The following RARB variants were observed in gnomAD, a reference collection of about 807,000 sequenced individuals.
RARB encodes the protein HBV-activated protein.
In RARB, 17 loss-of-function variants were observed where a neutral mutation model predicts 51.9. The observed-to-expected ratio is 0.33, with a 90% confidence interval of 0.22 to 0.49. The LOEUF (loss-of-function observed/expected upper bound fraction) is 0.49. Among genes scored for constraint, RARB ranks in the 20% least tolerant of loss-of-function variants. RARB has a pLI of 0.99. For synonymous variants in RARB, 215 were observed against 195.4 expected (o/e 1.10, Z -0.84); for missense variants, 369 against 550.8 (o/e 0.67, Z 3.30).
chr3:25,203,799 C>T (rs912039282), intron 5 of RARB, among the ~76,000 whole-genome samples: 1 of 152,196 alleles, frequency 6.6e-6, no homozygotes, highest in Admixed American at 6.5e-5. Flanking sequence ...GTCAAGAAAT[C>T]TACTATTAGT....
At chr3:25,134,824 G>A (rs903728084) in intron 4 of RARB, among the ~76,000 whole-genome samples, 15 of 106,942 alleles carry the variant, frequency 1.4e-4, no homozygotes, top group Non-Finnish European at 2.5e-4. Context: ...GACCTTAACC[G>A]TCACTGCCTC....
intron 5 of RARB, among the ~76,000 whole-genome samples, chr3:25,364,474 C>T (rs1197937439): frequency 1.3e-5 from 2 of 152,214 alleles, no homozygotes; most frequent in Non-Finnish European, 2.9e-5. Flanking sequence ...GGCTCATTCA[C>T]ATTCTAAGAT....
At chr3:25,286,090 T>C (rs1703645226) in intron 5 of RARB, among the ~76,000 whole-genome samples, 1 of 129,708 alleles carries the variant, frequency 7.7e-6, no homozygotes, top group Non-Finnish European at 1.6e-5. Flanking sequence ...TCTCTTTTTT[T>C]TTTTTTTTTT....
At chr3:25,078,722 G>T (rs1164524494) in intron 3 of RARB, among the ~76,000 whole-genome samples, 2 of 151,970 alleles carry the variant, frequency 1.3e-5, no homozygotes, top group Admixed American at 1.3e-4. Flanking sequence ...GTAGAGAAAT[G>T]GTTTCTCCAT....
At position 25,339,632 on chromosome 3, in the gene RARB, C is replaced by CA. The variant is rs111582033; in HGVS notation, c.179-121561_179-121560insA. 1.3e-3 allele frequency among the ~76,000 whole-genome samples: 194 copies of CA among 150,714 alleles called. 1 individual carries two copies. Among genetic ancestry groups the CA allele is most frequent in the Middle Eastern group, 3.4e-3 (1 of 294 alleles). On this transcript the variant is annotated intron_variant, in intron 5 of 11. Transcript: ENST00000383772. ...TTTGCCTAATTTGAGAGCATTTCCCCCAAAAAAAGGCATTCTGGTTTTAAC... is the reference window on the plus strand; with the variant it reads ...TTTGCCTAATTTGAGAGCATTTCCCCACAAAAAAAGGCATTCTGGTTTTAAC...
intron 5 of RARB, among the ~76,000 whole-genome samples, chr3:25,237,774 GTCTAC>G (rs1326677112): frequency 6.6e-6 from 1 of 152,154 alleles, no homozygotes; most frequent in African/African-American, 2.4e-5. Flanking sequence ...TGCTACTCTA[GTCTAC>G]TCTACTTTTA....
chr3:24,994,295 G>A (rs141293266), intron 2 of RARB, among the ~76,000 whole-genome samples: 64 of 116,160 alleles, frequency 5.5e-4, no homozygotes, highest in African/African-American at 2.1e-3. Flanking sequence ...TTGATCACTT[G>A]TTTGACTTAT....
intron 3 of RARB, among the ~76,000 whole-genome samples, chr3:25,097,857 A>T (rs1386571854): frequency 1.3e-5 from 2 of 151,814 alleles, no homozygotes; most frequent in African/African-American, 4.8e-5. Flanking sequence ...TCCCAATCTT[A>T]CCCCTACTTT....
Position 24,950,499 on chromosome 3 carries a change from C to T in RARB, c.-380+91747C>T, listed in dbSNP as rs78160117. On this transcript the variant is annotated intron_variant, in intron 2 of 11. Transcript: ENST00000383772. Reference sequence around the variant, plus strand: ...CAGAACACAGCTTTGCTCAAATATGCTAGTTTTTTCTGGTTCAGGAAATGC... The same window carrying T: ...CAGAACACAGCTTTGCTCAAATATGTTAGTTTTTTCTGGTTCAGGAAATGC... Among the ~76,000 whole-genome samples the T allele has an allele frequency of 3.4e-3, 522 of 152,218 alleles. 1 individual carries two copies. Among genetic ancestry groups the T allele is most frequent in the Non-Finnish European group, 5.7e-3 (390 of 68,012 alleles).
At chr3:25,305,733 G>C (rs1181617735) in intron 5 of RARB, among the ~76,000 whole-genome samples, 1 of 152,172 alleles carries the variant, frequency 6.6e-6, no homozygotes, top group Non-Finnish European at 1.5e-5. Context: ...AGAGCAGAAA[G>C]AGCTTGGGCC....
chr3:25,201,986 A>G (rs916900411), intron 5 of RARB, among the ~76,000 whole-genome samples: 9 of 152,136 alleles, frequency 5.9e-5, no homozygotes, highest in Admixed American at 2.6e-4. Context: ...TTTTCTATTG[A>G]TTGGAATAGT....
intron 3 of RARB, among the ~76,000 whole-genome samples, chr3:25,533,651 C>G (rs1443009842): frequency 6.6e-6 from 1 of 152,108 alleles, no homozygotes; most frequent in Non-Finnish European, 1.5e-5. Flanking sequence ...TTTCATTCTG[C>G]CCAGTCATTG....
chr3:25,055,988 G>C (rs1387477090), intron 2 of RARB, among the ~76,000 whole-genome samples: 1 of 152,106 alleles, frequency 6.6e-6, no homozygotes, highest in Non-Finnish European at 1.5e-5. Flanking sequence ...ATCGTTAAAT[G>C]CTGTGGGAAC....
At chr3:25,064,427 G>T (rs190176933) in intron 3 of RARB, among the ~76,000 whole-genome samples, 1 of 152,136 alleles carries the variant, frequency 6.6e-6, no homozygotes, top group Admixed American at 6.6e-5. Flanking sequence ...ATCAAAAATA[G>T]CATTTTTAAA....
chr3:25,158,698 T>C (rs1337290716), intron 4 of RARB, among the ~76,000 whole-genome samples: 1 of 152,216 alleles, frequency 6.6e-6, no homozygotes. Context: ...ATTTGTCCAG[T>C]TATAACATAG....
chr3:25,048,360 G>T lies in RARB; in HGVS notation c.-379-11765G>T, dbSNP rs368801721. On this transcript the variant is annotated intron_variant, in intron 2 of 11. Transcript: ENST00000383772. ...TACCTTGATTTATGTTTTGTGTAAA[G>T]CACTCTTCTGACCCCCATCCAATAT... 1.0e-3 allele frequency among the ~76,000 whole-genome samples: 156 copies of T among 152,258 alleles called. 2 individuals carry two copies. The Middle Eastern group carries it at 0.014, about 13-fold the overall frequency.
At chr3:25,392,838 C>T (rs1429604576) in intron 5 of RARB, among the ~76,000 whole-genome samples, 1 of 151,960 alleles carries the variant, frequency 6.6e-6, no homozygotes, top group Non-Finnish European at 1.5e-5. Flanking sequence ...TAGCAAACAG[C>T]AACAGTTTTA....
chr3:24,969,027 C>G (rs1258791284), intron 2 of RARB, among the ~76,000 whole-genome samples: 2 of 151,722 alleles, frequency 1.3e-5, no homozygotes, highest in Non-Finnish European at 2.9e-5. Flanking sequence ...ATCAAGTTAC[C>G]TGCTAGGCAC....
At chr3:25,084,620 C>A (rs1699071797) in intron 3 of RARB, among the ~76,000 whole-genome samples, 1 of 151,704 alleles carries the variant, frequency 6.6e-6, no homozygotes, top group East Asian at 1.9e-4. Context: ...CTATGAAACA[C>A]CATTTTAAAG....
Sources: gnomAD v4.1 joint callset for allele counts (sites outside exome capture counted in the v4.1 genomes callset) on GRCh38, gnomAD v4.1.1 for gene constraint, MANE v1.5 for transcripts, NCBI Gene and HGNC (gene_info 2026-07-23, HGNC 2026-07-21) for gene names.